Variants in VAT1L observed in about 807,000 individuals in gnomAD.
VAT1L encodes the protein putative NADPH-dependent quinone oxidoreductase VAT1L.
VAT1L carries 34 observed loss-of-function variants against 44.1 expected under a neutral mutation model. The ratio of observed to expected loss-of-function variants is 0.77; its 90% CI spans 0.59 to 1.03. VAT1L has a LOEUF of 1.03. Among genes scored for constraint, VAT1L ranks in the 50% least tolerant of loss-of-function variants. The pLI is 0.00. For synonymous variants in VAT1L, 253 were observed against 202.2 expected (o/e 1.25, Z -2.13); for missense variants, 615 against 538.8 (o/e 1.14, Z -1.40).
Position 77,896,384 on chromosome 16 carries a change from T to C in VAT1L, c.1077+11582T>C, listed in dbSNP as rs566070468. Among the ~76,000 whole-genome samples the C allele has an allele frequency of 4.0e-5, 6 of 149,646 alleles. No individual in the cohort carries two copies. The South Asian group carries it at 1.3e-3, about 34-fold the overall frequency. ...CATGGGCTTGCCTCCCTCATTGACA[T>C]GTGCATGGGCAATTTCCTGTGAAAA... On this transcript the variant is annotated intron_variant, in intron 7 of 8. Coordinates refer to ENST00000302536, the MANE Select transcript of VAT1L (RefSeq NM_020927.3).
chr16:77,833,620 G>A (rs556522147), intron 3 of VAT1L, among the ~76,000 whole-genome samples: 5 of 152,146 alleles, frequency 3.3e-5, no homozygotes, highest in East Asian at 1.9e-4. Context: ...GCATGGTGGC[G>A]TGTGCCTGTA....
At chr16:77,833,844 G>C (rs1381392745) in intron 3 of VAT1L, among the ~76,000 whole-genome samples, 1 of 152,098 alleles carries the variant, frequency 6.6e-6, no homozygotes, top group Admixed American at 6.5e-5. Flanking sequence ...AGGTGGGCTG[G>C]GCTTTCATGA....
Position 77,946,279 on chromosome 16 carries a change from C to CTTTTTTTTTTTTTTTTTTTTTTTTTTTTT in VAT1L, c.1078-25549_1078-25548insTTTTTTTTTTTTTTTTTTTTTTTTTTTTT, listed in dbSNP as rs66461822. Among the ~76,000 whole-genome samples the CTTTTTTTTTTTTTTTTTTTTTTTTTTTTT allele has an allele frequency of 1.7e-4, 12 of 70,428 alleles. 5 individuals carry two copies. The highest frequency in any genetic ancestry group is 3.0e-4 in the Non-Finnish European group (12 of 39,608). 46.2% of individuals were successfully genotyped at this position (70,428 alleles called of 152,430 possible). On this transcript the variant is annotated intron_variant, in intron 7 of 8. Coordinates refer to ENST00000302536, the MANE Select transcript of VAT1L (RefSeq NM_020927.3). ...GTTCTGGACATCTAGGTTACTTGTT[C>CTTTTTTTTTTTTTTTTTTTTTTTTTTTTT]TTTTTTTTTTTTTTTTTTTTTTGAG...
At chr16:77,912,077 A>G (rs1411101533) in intron 7 of VAT1L, among the ~76,000 whole-genome samples, 3 of 152,228 alleles carry the variant, frequency 2.0e-5, no homozygotes, top group Non-Finnish European at 4.4e-5. Flanking sequence ...GCAGTGTGAC[A>G]TAGTAGAAAG....
intron 6 of VAT1L, among the ~76,000 whole-genome samples, chr16:77,881,228 T>C (rs548076909): frequency 1.3e-5 from 2 of 152,360 alleles, no homozygotes; most frequent in East Asian, 1.9e-4. Flanking sequence ...TGGACTTCTA[T>C]GTGCCAGTGC....
chr16:77,847,384 G>A (rs764237660), intron 3 of VAT1L, among the ~76,000 whole-genome samples: 2 of 152,138 alleles, frequency 1.3e-5, no homozygotes, highest in African/African-American at 2.4e-5. Flanking sequence ...CCGTGCTTCT[G>A]ACGTATAAAC....
At chr16:77,925,627 G>T (rs1763781721) in intron 7 of VAT1L, among the ~76,000 whole-genome samples, 2 of 152,160 alleles carry the variant, frequency 1.3e-5, no homozygotes, top group Admixed American at 6.5e-5. Flanking sequence ...AGACTAGCTA[G>T]CCCAGAACTG....
At chr16:77,922,936 C>T (rs1361460217) in intron 7 of VAT1L, among the ~76,000 whole-genome samples, 1 of 152,158 alleles carries the variant, frequency 6.6e-6, no homozygotes, top group Admixed American at 6.5e-5. Context: ...GGGACCTCAA[C>T]CCAGACCTGT....
intron 7 of VAT1L, among the ~76,000 whole-genome samples, chr16:77,958,908 C>G (rs1488500115): frequency 6.6e-6 from 1 of 152,176 alleles, no homozygotes; most frequent in African/African-American, 2.4e-5. Context: ...CACTAGTTAT[C>G]CTGTTGCCAA....
chr16:77,894,380 A>G (rs1417240012), intron 7 of VAT1L, among the ~76,000 whole-genome samples: 1 of 152,216 alleles, frequency 6.6e-6, no homozygotes, highest in East Asian at 1.9e-4. Context: ...AGATGGGGGC[A>G]GAAGTCTGAA....
Position 77,877,704 on chromosome 16 carries a change from A to G in VAT1L, c.826+1231A>G, listed in dbSNP as rs145360541. ...TTTTAATTCTGGCTAACTCAGAAAA[A>G]AACACTTATTTCCCTGCTATTTCCT... On this transcript the variant is annotated intron_variant, in intron 5 of 8. Coordinates refer to ENST00000302536, the MANE Select transcript of VAT1L (RefSeq NM_020927.3). Among the ~76,000 whole-genome samples, 4 of 152,214 alleles carry G rather than the reference A, an allele frequency of 2.6e-5. 1 individual carries two copies. Among genetic ancestry groups the G allele is most frequent in the African/African-American group, 9.6e-5 (4 of 41,510 alleles).
chr16:77,961,095 C>A (rs185800622), intron 7 of VAT1L, among the ~76,000 whole-genome samples: 12 of 152,110 alleles, frequency 7.9e-5, no homozygotes, highest in Admixed American at 7.9e-4. Flanking sequence ...TCTATCAGGA[C>A]GCTGCAGCTC....
chr16:77,818,973 A>T (rs951214471), intron 2 of VAT1L, among the ~76,000 whole-genome samples: 3 of 151,920 alleles, frequency 2.0e-5, no homozygotes, highest in African/African-American at 7.3e-5. Flanking sequence ...ATAAAGGAAT[A>T]ACTTGGGTGC....
At chr16:77,939,073 C>G (rs17718623) in intron 7 of VAT1L, among the ~76,000 whole-genome samples, 24,846 of 152,100 alleles carry the variant, frequency 0.16, 2,528 homozygotes, top group East Asian at 0.53. Context: ...TCCTGATTCT[C>G]AGTGCTCTGT....
chr16:77,816,948 G>A lies in VAT1L; in HGVS notation c.261G>A (p.Val87=), dbSNP rs764734851. 1.5e-5 allele frequency: 25 copies of A among 1,613,688 alleles called. No individual in the cohort carries two copies. The East Asian group carries it at 5.6e-4, about 36-fold the overall frequency. Residue 87 remains valine (V), a synonymous_variant, in exon 2 of 9, where the codon GTG becomes GTA. Transcript: ENST00000302536. ...GATTAAACTTCATTGACTTGATGGT[G>A]CGACAAGGGAATATTGACAACCCTC... The part of the protein sequence containing the change: ...ACGLNFIDLM[V]RQGNIDNPPK...
intron 7 of VAT1L, among the ~76,000 whole-genome samples, chr16:77,918,803 C>A (rs184461476): frequency 6.6e-6 from 1 of 152,204 alleles, no homozygotes; most frequent in African/African-American, 2.4e-5. Context: ...GAGGAAGGAG[C>A]CTTCCCTTAT....
intron 5 of VAT1L, 146 bp downstream of exon 5, chr16:77,876,619 C>A: frequency 3.0e-6 from 2 of 672,162 alleles, no homozygotes; most frequent in Non-Finnish European, 5.2e-6. Context: ...TATAATGTTT[C>A]TATTACTGTG....
chr16:77,975,528 C>A (rs945237647), intron 8 of VAT1L, among the ~76,000 whole-genome samples: 2 of 152,074 alleles, frequency 1.3e-5, no homozygotes, highest in Non-Finnish European at 2.9e-5. Context: ...AGTCTCAGCC[C>A]TCACTCAGCC....
At chr16:77,882,625 C>T (rs1045183096) in intron 6 of VAT1L, among the ~76,000 whole-genome samples, 7 of 152,334 alleles carry the variant, frequency 4.6e-5, no homozygotes, top group Non-Finnish European at 1.0e-4. Context: ...AGTGACAAAG[C>T]TGAGATTCAA....
Sources: gnomAD v4.1 joint callset for allele counts (sites outside exome capture counted in the v4.1 genomes callset) on GRCh38, gnomAD v4.1.1 for gene constraint, MANE v1.5 for transcripts, NCBI Gene and HGNC (gene_info 2026-07-23, HGNC 2026-07-21) for gene names.